The following TBPL2 variants were observed in gnomAD, a reference collection of about 807,000 sequenced individuals.
TBPL2 encodes the protein TATA-box binding protein like 2.
In TBPL2, 40 loss-of-function variants were observed where a neutral mutation model predicts 38.2. The observed-to-expected ratio is 1.05, with a 90% CI of 0.81 to 1.36. TBPL2 has a LOEUF of 1.36. Among genes scored for constraint, TBPL2 ranks in the 40% most tolerant of loss-of-function variants. The probability of loss-of-function intolerance (pLI) is 0.00; values close to 1 mark genes in which losing one functional copy is unlikely to be tolerated. For synonymous variants in TBPL2, 169 were observed against 171.7 expected, an observed-to-expected ratio of 0.98 and a Z score of 0.12; for missense variants, 461 against 456.7, an observed-to-expected ratio of 1.01 and a Z score of -0.09.
At chr14:55,436,293 G>A (rs1886011019) in intron 2 of TBPL2, among the ~76,000 whole-genome samples, 1 of 152,104 alleles carries the variant, frequency 6.6e-6, no homozygotes, top group Non-Finnish European at 1.5e-5. Context: ...AGCAACTACA[G>A]TGCTGTAGTA....
At chr14:55,432,442 A>AACAAAAAAAAAAC (rs144188761) in intron 4 of TBPL2, among the ~76,000 whole-genome samples, 8,710 of 149,030 alleles carry the variant, frequency 0.058, 326 homozygotes, top group Non-Finnish European at 0.084. Flanking sequence ...ATAAACAAAC[A>AACAAAAAAAAAAC]ACAAAAAAAA....
intron 5 of TBPL2, 53 bp from the exon 6 acceptor site, chr14:55,424,306 C>G: frequency 8.4e-7 from 1 of 1,192,390 alleles, no homozygotes; most frequent in Non-Finnish European, 1.2e-6. Flanking sequence ...AGCTCCTTTC[C>G]CATAACATGT....
In TBPL2 at chr14:55,439,613, A is replaced by ACCCCCCC. The variant is rs143930267; in HGVS notation, c.150+782_150+783insGGGGGGG. On this transcript the variant is annotated intron_variant, in intron 1 of 6. Transcript: ENST00000247219. Reference sequence around the variant, plus strand: ...CAACACCAGCCTGGGGAGAAAAGCAAACCCCCCCCCGTCTCTACTAAAAAA... The same window carrying ACCCCCCC: ...CAACACCAGCCTGGGGAGAAAAGCAACCCCCCCACCCCCCCCCGTCTCTACTAAAAAA... 7.7e-4 allele frequency among the ~76,000 whole-genome samples: 37 copies of ACCCCCCC among 47,942 alleles called. 7 individuals are homozygous for ACCCCCCC. Among genetic ancestry groups the ACCCCCCC allele is most frequent in the Admixed American group, 1.0e-3 (4 of 3,982 alleles). The allele number at this position is 47,942 out of a possible 152,430, so 31.5% of individuals were successfully genotyped here. A position where few individuals can be genotyped will look rare whatever the true frequency, so the allele number is the denominator to read the frequency against.
intron 3 of TBPL2, among the ~76,000 whole-genome samples, chr14:55,434,004 T>C (rs1443465048): frequency 6.6e-6 from 1 of 152,242 alleles, no homozygotes; most frequent in Non-Finnish European, 1.5e-5. Flanking sequence ...TATCCTCATT[T>C]AGTGCTCAGG....
At chr14:55,428,711 A>C (rs1051793745) in intron 5 of TBPL2, 96 bp downstream of exon 5, 99 of 1,323,894 alleles carry the variant, frequency 7.5e-5, no homozygotes, top group Non-Finnish European at 9.4e-5. Flanking sequence ...TTTTTTTTTA[A>C]TCACAATTTC....
chr14:55,428,896 A>G, exon 5 of TBPL2: 3 of 1,614,204 alleles, frequency 1.9e-6, no homozygotes, highest in Non-Finnish European at 2.5e-6. Flanking sequence ...GAATTTTAAA[A>G]TCGAGGAATC....
intron 5 of TBPL2, among the ~76,000 whole-genome samples, chr14:55,426,549 T>A (rs1239275826): frequency 6.6e-6 from 1 of 152,036 alleles, no homozygotes; most frequent in Non-Finnish European, 1.5e-5. Context: ...AAAATTCAAA[T>A]CTTCTAAGAG....
intron 6 of TBPL2, 47 bp downstream of exon 6, chr14:55,424,112 G>T: frequency 1.5e-6 from 2 of 1,330,476 alleles, no homozygotes; most frequent in Non-Finnish European, 2.2e-6. Context: ...CAAAGCACAT[G>T]CATAGCAATT....
intron 4 of TBPL2, among the ~76,000 whole-genome samples, chr14:55,432,955 C>A (rs912996219): frequency 2.0e-5 from 3 of 152,238 alleles, no homozygotes; most frequent in South Asian, 2.1e-4. Context: ...TTAGAAAGTT[C>A]TATCCATTTA....
chr14:55,438,017 G>A (rs1324966036), intron 1 of TBPL2, among the ~76,000 whole-genome samples: 4 of 152,206 alleles, frequency 2.6e-5, no homozygotes, highest in African/African-American at 9.6e-5. Context: ...AGCAACTAAT[G>A]TAAAATTCAT....
At chr14:55,436,394 G>C (rs1886012452) in intron 2 of TBPL2, among the ~76,000 whole-genome samples, 167 bp downstream of exon 2, 2 of 152,126 alleles carry the variant, frequency 1.3e-5, no homozygotes, top group Non-Finnish European at 2.9e-5. Context: ...TTGCCTTACA[G>C]ATAATCAAAC....
chr14:55,428,973 C>T (rs1385562078), exon 5 of TBPL2: 3 of 1,613,876 alleles, frequency 1.9e-6, no homozygotes, highest in African/African-American at 1.3e-5. Context: ...GACTGCTCTT[C>T]ACTGGGGAGG....
intron 6 of TBPL2, among the ~76,000 whole-genome samples, chr14:55,418,387 C>T (rs1885697464): frequency 6.6e-6 from 1 of 152,230 alleles, no homozygotes; most frequent in Admixed American, 6.5e-5. Flanking sequence ...TTTTCCAGTT[C>T]TGTTCTTACA....
chr14:55,431,182 C>G (rs771162355), intron 4 of TBPL2, among the ~76,000 whole-genome samples: 1 of 152,216 alleles, frequency 6.6e-6, no homozygotes, highest in South Asian at 2.1e-4. Flanking sequence ...ATAATACTGG[C>G]ACCTCTTATT....
At chr14:55,428,528 T>G (rs1885869325) in intron 5 of TBPL2, among the ~76,000 whole-genome samples, 1 of 152,194 alleles carries the variant, frequency 6.6e-6, no homozygotes, top group South Asian at 2.1e-4. Flanking sequence ...ACACAAATTC[T>G]AGCAAAATCT....
chr14:55,436,848 G>A (rs781227194), exon 2 of TBPL2: 5 of 1,614,016 alleles, frequency 3.1e-6, no homozygotes, highest in Non-Finnish European at 4.2e-6. Context: ...TATTTTCCTG[G>A]GTAACTTCAT....
At chr14:55,440,111 A>T (rs1388402851) in intron 1 of TBPL2, among the ~76,000 whole-genome samples, 1 of 151,872 alleles carries the variant, frequency 6.6e-6, no homozygotes, top group East Asian at 1.9e-4. Context: ...TCAATCAATC[A>T]ATCAATCAAT....
chr14:55,427,866 A>C (rs8016239), intron 5 of TBPL2, among the ~76,000 whole-genome samples: 29,379 of 147,822 alleles, frequency 0.2, 4,805 homozygotes, highest in African/African-American at 0.45. Context: ...TAGGGGACAA[A>C]CTAGTTAGGA....
intron 6 of TBPL2, among the ~76,000 whole-genome samples, chr14:55,422,795 G>A (rs1319724250): frequency 2.0e-5 from 3 of 152,164 alleles, no homozygotes; most frequent in Non-Finnish European, 4.4e-5. Flanking sequence ...GGAGGTTGCA[G>A]TGAGCTGAGA....
Sources: gnomAD v4.1 joint callset for allele counts (sites outside exome capture counted in the v4.1 genomes callset) on GRCh38, gnomAD v4.1.1 for gene constraint, MANE v1.5 for transcripts, NCBI Gene and HGNC (gene_info 2026-07-23, HGNC 2026-07-21) for gene names.